The following SLC4A10 variants were observed in gnomAD, a reference collection of about 807,000 sequenced individuals.
The protein encoded by SLC4A10 is solute carrier family 4 member 10.
SLC4A10 carries 42 observed loss-of-function variants against 137.7 expected under a neutral mutation model. The ratio of observed to expected loss-of-function variants is 0.30; its 90% confidence interval spans 0.24 to 0.39. The LOEUF is 0.39. Ranked by LOEUF, SLC4A10 falls within the 10% of genes least tolerant of loss-of-function variation. SLC4A10 has a pLI of 1.00. For missense variants in SLC4A10, 925 were observed against 1,355.0 expected (o/e 0.68, Z 4.98); for synonymous variants, 474 against 464.1 (o/e 1.02, Z -0.27).
intron 1 of SLC4A10, among the ~76,000 whole-genome samples, chr2:161,665,591 G>A (rs2038945578): frequency 6.6e-6 from 1 of 151,548 alleles, no homozygotes; most frequent in Admixed American, 6.6e-5. Context: ...TTCAATTATG[G>A]GTTGAATGTA....
chr2:161,738,338 A>G (rs1322277078), intron 1 of SLC4A10, among the ~76,000 whole-genome samples: 2 of 152,222 alleles, frequency 1.3e-5, no homozygotes, highest in African/African-American at 4.8e-5. Context: ...AGAACAATTA[A>G]CAAATTGGGC....
intron 1 of SLC4A10, among the ~76,000 whole-genome samples, chr2:161,626,361 A>G (rs2032363365): frequency 6.6e-6 from 1 of 152,164 alleles, no homozygotes; most frequent in South Asian, 2.1e-4. Flanking sequence ...ACCAATTTAT[A>G]GCTTAAAAGA....
At chr2:161,722,704 T>C (rs185436664) in intron 1 of SLC4A10, among the ~76,000 whole-genome samples, 1 of 152,332 alleles carries the variant, frequency 6.6e-6, no homozygotes, top group Admixed American at 6.5e-5. Flanking sequence ...TTGGCAGAGC[T>C]GGTGCACTGC....
intron 23 of SLC4A10, among the ~76,000 whole-genome samples, chr2:161,968,009 T>C (rs1202780462): frequency 6.6e-6 from 1 of 151,476 alleles, no homozygotes; most frequent in Non-Finnish European, 1.5e-5. Flanking sequence ...AGACATATAA[T>C]CATCTCTTTC....
At chr2:161,669,537 A>AATATT (rs2039458478) in intron 1 of SLC4A10, among the ~76,000 whole-genome samples, 21 of 152,134 alleles carry the variant, frequency 1.4e-4, no homozygotes, top group Middle Eastern at 3.4e-3. Context: ...TCATACAAAT[A>AATATT]CTATTATATA....
intron 1 of SLC4A10, among the ~76,000 whole-genome samples, chr2:161,699,728 A>C (rs1223337510): frequency 2.0e-5 from 3 of 152,202 alleles, no homozygotes; most frequent in Admixed American, 2.0e-4. Flanking sequence ...AAAGCATGTA[A>C]TCAAGGAAGG....
At chr2:161,777,314 A>C (rs928366950) in intron 2 of SLC4A10, among the ~76,000 whole-genome samples, 3 of 151,862 alleles carry the variant, frequency 2.0e-5, no homozygotes, top group African/African-American at 7.2e-5. Flanking sequence ...GTTGCCTATT[A>C]GATCTATTGG....
chr2:161,725,237 T>C (rs1437676961), intron 1 of SLC4A10, among the ~76,000 whole-genome samples: 1 of 152,194 alleles, frequency 6.6e-6, no homozygotes, highest in African/African-American at 2.4e-5. Flanking sequence ...ACCTTTGTAG[T>C]ATGGCACATT....
At position 161,978,394 on chromosome 2, in the gene SLC4A10, A is replaced by AAAG. The variant is rs1553652446; in HGVS notation, c.*26+636_*26+637insGAA. Among the ~76,000 whole-genome samples, 2 of 150,726 alleles carry AAAG rather than the reference A, an allele frequency of 1.3e-5. 1 individual carries two copies. Among genetic ancestry groups the AAAG allele is most frequent in the African/African-American group, 4.9e-5 (2 of 41,114 alleles). On this transcript the variant is annotated intron_variant, in intron 26 of 26. Coordinates refer to ENST00000446997, the MANE Select transcript of SLC4A10 (RefSeq NM_001178015.2). ...AGAGAGAGACTCTGTCAAAAAAAAA[A>AAAG]AAAAAAAGAAAAGAAAAAGAAAAAG...
chr2:161,925,979 G>A (rs185080486), intron 15 of SLC4A10, among the ~76,000 whole-genome samples: 52 of 152,148 alleles, frequency 3.4e-4, no homozygotes, highest in African/African-American at 1.2e-3. Context: ...CAACTATGTG[G>A]TCAATTTTGG....
At chr2:161,677,927 G>A (rs1038880160) in intron 1 of SLC4A10, among the ~76,000 whole-genome samples, 9 of 152,094 alleles carry the variant, frequency 5.9e-5, no homozygotes, top group African/African-American at 2.2e-4. Context: ...CACAGGGAGG[G>A]CAAGAGGTAT....
At chr2:161,826,265 A>T (rs2058015014) in intron 3 of SLC4A10, among the ~76,000 whole-genome samples, 1 of 152,198 alleles carries the variant, frequency 6.6e-6, no homozygotes, top group Admixed American at 6.5e-5. Context: ...GATTCATCTG[A>T]ACTATAACAA....
intron 3 of SLC4A10, among the ~76,000 whole-genome samples, chr2:161,807,437 C>A (rs1425725924): frequency 6.6e-6 from 1 of 152,022 alleles, no homozygotes; most frequent in Admixed American, 6.6e-5. Flanking sequence ...TCTGTCATTG[C>A]ACTTTGTTCA....
chr2:161,949,516 C>G (rs1328214758), intron 18 of SLC4A10, among the ~76,000 whole-genome samples: 1 of 151,020 alleles, frequency 6.6e-6, no homozygotes, highest in Non-Finnish European at 1.5e-5. Context: ...GTTGAAATAC[C>G]TATATATAAC....
intron 26 of SLC4A10, among the ~76,000 whole-genome samples, chr2:161,981,541 C>T (rs548442911): frequency 6.6e-6 from 1 of 152,278 alleles, no homozygotes; most frequent in East Asian, 1.9e-4. Flanking sequence ...CAACACCAAG[C>T]CCAGTGCTGC....
At chr2:161,810,465 T>C (rs747799177) in intron 3 of SLC4A10, among the ~76,000 whole-genome samples, 41 of 151,890 alleles carry the variant, frequency 2.7e-4, no homozygotes, top group Admixed American at 8.5e-4. Flanking sequence ...GGAATAGTTA[T>C]AGCTTTTGCC....
chr2:161,907,783 C>T (rs1684802140), intron 15 of SLC4A10, among the ~76,000 whole-genome samples: 1 of 152,180 alleles, frequency 6.6e-6, no homozygotes, highest in Non-Finnish European at 1.5e-5. Flanking sequence ...AAATATTTGT[C>T]TGAAGTTATA....
At chr2:161,753,532 C>A (rs1198355821) in intron 1 of SLC4A10, among the ~76,000 whole-genome samples, 1 of 152,094 alleles carries the variant, frequency 6.6e-6, no homozygotes, top group African/African-American at 2.4e-5. Flanking sequence ...TCACTCTAAG[C>A]CTCAGTTTCC....
chr2:161,688,329 T>C (rs2124895121), intron 1 of SLC4A10, among the ~76,000 whole-genome samples: 1 of 152,328 alleles, frequency 6.6e-6, no homozygotes, highest in African/African-American at 2.4e-5. Context: ...TATAATGTTG[T>C]AATTTTATAA....
Sources: gnomAD v4.1 joint callset for allele counts (sites outside exome capture counted in the v4.1 genomes callset) on GRCh38, gnomAD v4.1.1 for gene constraint, MANE v1.5 for transcripts, NCBI Gene and HGNC (gene_info 2026-07-23, HGNC 2026-07-21) for gene names.